TMEM132D: variants seen among roughly 807,000 people sequenced by gnomAD.
TMEM132D encodes mature OL transmembrane protein.
In TMEM132D, 21 loss-of-function variants were observed where a neutral mutation model predicts 62.3. The observed-to-expected ratio is 0.34, with a 90% CI of 0.24 to 0.49. The LOEUF (loss-of-function observed/expected upper bound fraction) is 0.49, where lower values mean the gene tolerates loss of function less well. TMEM132D is among the 20% of genes least tolerant of loss of function. The pLI is 0.99. For synonymous variants in TMEM132D, 621 were observed against 575.6 expected (o/e 1.08, Z -1.13); for missense variants, 1,346 against 1,402.8 (o/e 0.96, Z 0.65).
At chr12:129,430,441 A>T (rs1203908218) in intron 3 of TMEM132D, among the ~76,000 whole-genome samples, 1 of 151,934 alleles carries the variant, frequency 6.6e-6, no homozygotes, top group Non-Finnish European at 1.5e-5. Flanking sequence ...TTTCTTGTAA[A>T]TTTGTTTGAG....
intron 4 of TMEM132D, among the ~76,000 whole-genome samples, chr12:129,263,033 C>T (rs1342742885): frequency 2.0e-5 from 3 of 152,104 alleles, no homozygotes; most frequent in East Asian, 1.9e-4. Flanking sequence ...CGTCTGAGAA[C>T]GTATTCTCCA....
intron 1 of TMEM132D, among the ~76,000 whole-genome samples, chr12:129,902,388 G>T (rs76530655): frequency 6.6e-6 from 1 of 152,180 alleles, no homozygotes. Context: ...GGGCACGGGT[G>T]GGGGAACCAC....
chr12:129,157,825 C>A (rs1224680499), intron 5 of TMEM132D, among the ~76,000 whole-genome samples: 1 of 152,036 alleles, frequency 6.6e-6, no homozygotes, highest in African/African-American at 2.4e-5. Flanking sequence ...AATTTCATTG[C>A]TTTTTCCTCT....
At chr12:129,503,335 A>G (rs1875213297) in intron 3 of TMEM132D, among the ~76,000 whole-genome samples, 1 of 152,224 alleles carries the variant, frequency 6.6e-6, no homozygotes, top group South Asian at 2.1e-4. Context: ...CAAATGGATT[A>G]TGGATAGAGT....
chr12:129,370,358 C>T (rs1426531665), intron 3 of TMEM132D, among the ~76,000 whole-genome samples: 2 of 152,114 alleles, frequency 1.3e-5, no homozygotes, highest in Admixed American at 1.3e-4. Flanking sequence ...CAAATGAGGC[C>T]CGCCTGTTTG....
At chr12:129,804,457 A>G (rs905755232) in intron 1 of TMEM132D, among the ~76,000 whole-genome samples, 14 of 148,906 alleles carry the variant, frequency 9.4e-5, no homozygotes, top group African/African-American at 3.0e-4. Context: ...TTATCTCAAT[A>G]GATGCAGAAA....
At chr12:129,524,095 T>A (rs1310638686) in intron 3 of TMEM132D, among the ~76,000 whole-genome samples, 3 of 143,856 alleles carry the variant, frequency 2.1e-5, no homozygotes, top group South Asian at 4.4e-4. Context: ...GTGGGGGGAG[T>A]GGGGAGGGAT....
intron 4 of TMEM132D, among the ~76,000 whole-genome samples, chr12:129,244,496 G>A (rs1880038112): frequency 6.6e-6 from 1 of 152,034 alleles, no homozygotes; most frequent in African/African-American, 2.4e-5. Flanking sequence ...CTTACGCTAT[G>A]GCTAGAAAGA....
intron 2 of TMEM132D, among the ~76,000 whole-genome samples, chr12:129,567,944 T>A (rs1877413159): frequency 6.6e-6 from 1 of 152,342 alleles, no homozygotes; most frequent in South Asian, 2.1e-4. Context: ...TCTTGATGTC[T>A]GACCACCATA....
chr12:129,257,545 G>A (rs1026108707), intron 4 of TMEM132D, among the ~76,000 whole-genome samples: 1 of 152,066 alleles, frequency 6.6e-6, no homozygotes, highest in Admixed American at 6.5e-5. Flanking sequence ...CCTTTCTTTC[G>A]CTCAGGGCAC....
At chr12:129,422,709 CCAGT>C (rs944866595) in intron 3 of TMEM132D, among the ~76,000 whole-genome samples, 5 of 151,916 alleles carry the variant, frequency 3.3e-5, no homozygotes, top group Admixed American at 2.0e-4. Flanking sequence ...AAGAAAATCA[CCAGT>C]AAGTAAGGAT....
intron 1 of TMEM132D, among the ~76,000 whole-genome samples, chr12:129,893,051 G>T (rs1593201309): frequency 6.6e-6 from 1 of 151,958 alleles, no homozygotes; most frequent in South Asian, 2.1e-4. Context: ...TAATTTTTGT[G>T]CTTTTAGTAG....
At chr12:129,736,651 T>C (rs549845270) in intron 1 of TMEM132D, among the ~76,000 whole-genome samples, 17 of 152,294 alleles carry the variant, frequency 1.1e-4, no homozygotes, top group Admixed American at 3.9e-4. Flanking sequence ...ATATAAATTT[T>C]AAGAGAAAAA....
chr12:129,246,012 G>T (rs921388956), intron 4 of TMEM132D, among the ~76,000 whole-genome samples: 5 of 152,132 alleles, frequency 3.3e-5, no homozygotes, highest in African/African-American at 1.2e-4. Context: ...ACTAGAAGAC[G>T]TAGTTGCGTG....
intron 1 of TMEM132D, among the ~76,000 whole-genome samples, chr12:129,817,801 T>TG (rs539777871): frequency 2.6e-4 from 17 of 64,508 alleles, no homozygotes; most frequent in Admixed American, 1.1e-3. Context: ...TGGGGGTGTG[T>TG]GGGGGGGTCT....
intron 5 of TMEM132D, among the ~76,000 whole-genome samples, chr12:129,100,261 C>G (rs1321816892): frequency 1.3e-5 from 2 of 152,184 alleles, no homozygotes; most frequent in Non-Finnish European, 2.9e-5. Context: ...AGGCTGGTAA[C>G]TCCTGACCTC....
intron 3 of TMEM132D, among the ~76,000 whole-genome samples, chr12:129,346,137 G>T (rs1566040184): frequency 6.6e-6 from 1 of 152,022 alleles, no homozygotes; most frequent in Non-Finnish European, 1.5e-5. Flanking sequence ...GTCTATTCAG[G>T]GATTCGACTT....
chr12:129,527,617 G>A (rs756693645), intron 3 of TMEM132D, among the ~76,000 whole-genome samples: 3 of 152,102 alleles, frequency 2.0e-5, no homozygotes, highest in Non-Finnish European at 4.4e-5. Flanking sequence ...CATATCAACC[G>A]TGGTGAGCTT....
chr12:129,874,956 C>T (rs1056134298), intron 1 of TMEM132D, among the ~76,000 whole-genome samples: 1 of 152,140 alleles, frequency 6.6e-6, no homozygotes, highest in Admixed American at 6.5e-5. Context: ...GGATTACAGG[C>T]GTGAGCCGCC....
Sources: allele counts gnomAD v4.1 joint callset (sites outside exome capture counted in the v4.1 genomes callset), GRCh38; gene constraint gnomAD v4.1.1; transcripts MANE v1.5; gene names NCBI Gene and HGNC (gene_info 2026-07-23, HGNC 2026-07-21).